CD99L2: variants seen among roughly 807,000 people sequenced by gnomAD.
CD99L2 encodes CD99 molecule like 2, also known as CD99 antigen-like protein 2.
In CD99L2, 24 loss-of-function variants were observed where a neutral mutation model predicts 27.3. The ratio of observed to expected loss-of-function variants is 0.88; its 90% CI spans 0.64 to 1.24. The LOEUF (loss-of-function observed/expected upper bound fraction) is 1.24. Ranked by LOEUF, CD99L2 falls within the 50% of genes most tolerant of loss-of-function variation. The pLI is 0.00. For missense variants in CD99L2, 255 were observed against 221.6 expected (o/e 1.15, Z -0.96); for synonymous variants, 97 against 87.9 (o/e 1.10, Z -0.58).
rs113005633 is a variant in CD99L2, at chrX:150,819,065, C to T, written c.131-2987G>A. The stretch of plus-strand genomic sequence containing the variant: ...ATCTTGCCCACAGCAAATGGTAGAC[C>T]GAATACAAATGGTTCCCAGTTTTTC... On this transcript the variant is annotated intron_variant, in intron 2 of 10. Transcript: ENST00000370377. The T allele has an allele frequency of 1.8e-3, 572 of 313,651 alleles. 4 individuals are homozygous for T. The highest frequency in any genetic ancestry group is 0.014 in the African/African-American group (503 of 36,766). 25.8% of individuals were successfully genotyped at this position (313,651 alleles called of 1,213,427 possible). A position where few individuals can be genotyped will look rare whatever the true frequency, so the allele number is the denominator to read the frequency against.
chrX:150,896,138 G>A (rs1364140381), intron 1 of CD99L2, among the ~76,000 whole-genome samples: 5 of 109,031 alleles, frequency 4.6e-5, no homozygotes, highest in Non-Finnish European at 9.6e-5. Context: ...GGTGGCTCAC[G>A]CCTGTAATCC....
At chrX:150,794,779 T>C (rs1557419841) in intron 6 of CD99L2, among the ~76,000 whole-genome samples, 1 of 111,678 alleles carries the variant, frequency 9.0e-6, no homozygotes, top group Non-Finnish European at 1.9e-5. Context: ...CATCTCACGA[T>C]GGAATAAAGT....
intron 8 of CD99L2, 108 bp from the exon 9 acceptor site, chrX:150,776,401 C>G: frequency 9.9e-6 from 9 of 913,664 alleles, no homozygotes; most frequent in Non-Finnish European, 1.3e-5. Context: ...ACTAGACGCC[C>G]CCAACCCCCA....
At chrX:150,878,001 CA>C (rs2047260003) in intron 1 of CD99L2, among the ~76,000 whole-genome samples, 2 of 104,718 alleles carry the variant, frequency 1.9e-5, no homozygotes, top group African/African-American at 6.9e-5. Flanking sequence ...CACACACACA[CA>C]CACCAGTAGC....
intron 9 of CD99L2, among the ~76,000 whole-genome samples, chrX:150,772,400 G>C (rs1557419133): frequency 8.9e-6 from 1 of 112,788 alleles, no homozygotes; most frequent in African/African-American, 3.2e-5. Flanking sequence ...AGGGCGAGAG[G>C]AGCTAGGTCA....
chrX:150,778,172 T>TCACACACGCACA (rs1557419334), intron 7 of CD99L2, among the ~76,000 whole-genome samples: 2 of 109,773 alleles, frequency 1.8e-5, no homozygotes, highest in Non-Finnish European at 3.8e-5. Context: ...AGAGTTAAAT[T>TCACACACGCACA]CACACACGCA....
At chrX:150,783,277 T>C (rs782349002) in intron 7 of CD99L2, among the ~76,000 whole-genome samples, 2 of 111,379 alleles carry the variant, frequency 1.8e-5, no homozygotes, top group Non-Finnish European at 3.8e-5. Flanking sequence ...GTTCTGCACA[T>C]GTATCCCAGA....
chrX:150,776,046 C>G, intron 9 of CD99L2, 128 bp downstream of exon 9: 1 of 908,097 alleles, frequency 1.1e-6, no homozygotes, highest in Non-Finnish European at 1.5e-6. Context: ...CCTCCACCCC[C>G]GTCCCAGGAA....
In CD99L2 at chrX:150,769,726, ACCTCCTCATT is replaced by A. The variant is rs1569565840; in HGVS notation, c.721+568_721+577del. Among the ~76,000 whole-genome samples, 13 of 106,082 alleles carry A rather than the reference ACCTCCTCATT, an allele frequency of 1.2e-4. No homozygotes were observed. The East Asian group carries it at 4.5e-3, about 37-fold the overall frequency. 92.1% of individuals were successfully genotyped at this position (106,082 alleles called of 115,157 possible). On this transcript the variant is annotated intron_variant, in intron 10 of 10. Transcript: ENST00000370377. Reference sequence around the variant, plus strand: ...CCCCGACCCCAGCAAGCCTTTCCGGACCTCCTCATTGGCATCCCGTGGGCACAGGTCATAT... The same window carrying A: ...CCCCGACCCCAGCAAGCCTTTCCGGAGGCATCCCGTGGGCACAGGTCATAT...
chrX:150,798,186 AGGG>A (rs1557419966), intron 4 of CD99L2, among the ~76,000 whole-genome samples: 1 of 3,263 alleles, frequency 3.1e-4, no homozygotes, highest in Non-Finnish European at 5.9e-4. Context: ...GAAGGAAGGG[AGGG>A]AGGGAGGGAG....
chrX:150,881,858 C>T (rs2047331744), intron 1 of CD99L2, among the ~76,000 whole-genome samples: 1 of 102,620 alleles, frequency 9.7e-6, no homozygotes, highest in Non-Finnish European at 2.0e-5. Context: ...CGCTCTGTTG[C>T]CCAGGCTGGA....
At chrX:150,792,113 C>G (rs907699885) in intron 7 of CD99L2, among the ~76,000 whole-genome samples, 5 of 111,168 alleles carry the variant, frequency 4.5e-5, no homozygotes, top group Admixed American at 9.5e-5. Context: ...CACACTTGTC[C>G]TTTTTTCCAC....
chrX:150,834,516 A>C (rs1451258776), intron 1 of CD99L2, among the ~76,000 whole-genome samples: 1 of 111,854 alleles, frequency 8.9e-6, no homozygotes, highest in Non-Finnish European at 1.9e-5. Flanking sequence ...AAAAACAAAA[A>C]CAAACAAAAA....
intron 8 of CD99L2, 113 bp from the exon 9 acceptor site, chrX:150,776,406 C>T (rs1335045931): frequency 1.0e-4 from 89 of 893,419 alleles, no homozygotes; most frequent in Non-Finnish European, 1.3e-4. Flanking sequence ...ACGCCCCCAA[C>T]CCCCAAGCCA....
chrX:150,824,150 AAGGAGG>A lies in CD99L2; in HGVS notation c.130+7075_130+7080del, dbSNP rs1211476436. On this transcript the variant is annotated intron_variant, in intron 2 of 10. Transcript: ENST00000370377. ...GAGGAGGAGGAGGAGGAGAAGAAGGAAGGAGGAGGAGGAGGAGGAGGAGGAGAAGGA... is the reference window on the plus strand; with the variant it reads ...GAGGAGGAGGAGGAGGAGAAGAAGGAAGGAGGAGGAGGAGGAGGAGAAGGA... Among the ~76,000 whole-genome samples, 34 of 20,375 alleles carry A rather than the reference AAGGAGG, an allele frequency of 1.7e-3. 5 individuals are homozygous for A. The highest frequency in any genetic ancestry group is 9.5e-3 in the African/African-American group (34 of 3,584). The allele number at this position is 20,375 out of a possible 115,157, so 17.7% of individuals were successfully genotyped here.
At chrX:150,821,535 G>A (rs991308081) in intron 2 of CD99L2, among the ~76,000 whole-genome samples, 18 of 112,008 alleles carry the variant, frequency 1.6e-4, no homozygotes, top group African/African-American at 5.8e-4. Context: ...CTAAATATAT[G>A]AACTAAAACC....
intron 4 of CD99L2, among the ~76,000 whole-genome samples, chrX:150,805,371 A>G (rs1272817176): frequency 9.0e-6 from 1 of 111,532 alleles, no homozygotes; most frequent in Non-Finnish European, 1.9e-5. Context: ...TTTCAGTTAG[A>G]CAGGAGGAAT....
At chrX:150,826,428 G>A (rs782251409) in intron 2 of CD99L2, among the ~76,000 whole-genome samples, 3 of 111,270 alleles carry the variant, frequency 2.7e-5, no homozygotes, top group East Asian at 5.7e-4. Flanking sequence ...AGTGGTGGAG[G>A]ACTCTGAAAG....
chrX:150,792,316 T>C (rs2045702880), intron 7 of CD99L2, among the ~76,000 whole-genome samples: 1 of 112,477 alleles, frequency 8.9e-6, no homozygotes, highest in South Asian at 3.7e-4. Flanking sequence ...TTCATTCATG[T>C]GTGTGCTTAC....
Sources: gnomAD v4.1 joint callset for allele counts (sites outside exome capture counted in the v4.1 genomes callset) on GRCh38, gnomAD v4.1.1 for gene constraint, MANE v1.5 for transcripts, NCBI Gene and HGNC (gene_info 2026-07-23, HGNC 2026-07-21) for gene names.